The following STX12 variants were observed in gnomAD, a reference collection of about 807,000 sequenced individuals.
STX12 encodes syntaxin 12.
STX12 carries 17 observed loss-of-function variants against 42.2 expected under a neutral mutation model. That is an observed-to-expected ratio of 0.40 (90% CI 0.28 to 0.60). The LOEUF is 0.60. Among genes scored for constraint, STX12 ranks in the 20% least tolerant of loss-of-function variants. STX12 has a pLI of 0.39. For missense variants in STX12, 297 were observed against 330.9 expected, an observed-to-expected ratio of 0.90 and a Z score of 0.79; for synonymous variants, 108 against 116.7, an observed-to-expected ratio of 0.93 and a Z score of 0.48.
intron 1 of STX12, among the ~76,000 whole-genome samples, chr1:27,787,869 T>A (rs2088709954): frequency 6.6e-6 from 1 of 152,214 alleles, no homozygotes; most frequent in Non-Finnish European, 1.5e-5. Context: ...AAAATTCTAA[T>A]AAGTGAAGGT....
chr1:27,780,398 G>A (rs1014316801), intron 1 of STX12, among the ~76,000 whole-genome samples: 1 of 151,426 alleles, frequency 6.6e-6, no homozygotes, highest in Admixed American at 6.6e-5. Context: ...AGTAGAGACA[G>A]GGTTTCACCA....
intron 1 of STX12, among the ~76,000 whole-genome samples, chr1:27,778,316 CAA>C (rs916571400): frequency 2.4e-4 from 37 of 152,270 alleles, no homozygotes; most frequent in African/African-American, 8.9e-4. Context: ...TACTGTGGAA[CAA>C]AGTGTCTGGG....
intron 1 of STX12, among the ~76,000 whole-genome samples, chr1:27,782,398 A>G (rs1056017180): frequency 6.6e-6 from 1 of 152,164 alleles, no homozygotes; most frequent in African/African-American, 2.4e-5. Flanking sequence ...ATGCCTGGCC[A>G]TATAGGCGGT....
chr1:27,795,774 G>A (rs1448326591), intron 3 of STX12, among the ~76,000 whole-genome samples: 1 of 152,154 alleles, frequency 6.6e-6, no homozygotes, highest in Non-Finnish European at 1.5e-5. Context: ...TTACCCTTTG[G>A]TTGTCTATAT....
intron 3 of STX12, among the ~76,000 whole-genome samples, chr1:27,798,046 A>C (rs1280704891): frequency 6.6e-6 from 1 of 152,154 alleles, no homozygotes; most frequent in Admixed American, 6.6e-5. Context: ...AATAATGCCT[A>C]ATTTATAGGT....
At chr1:27,784,891 C>G (rs1393577466) in intron 1 of STX12, among the ~76,000 whole-genome samples, 1 of 152,046 alleles carries the variant, frequency 6.6e-6, no homozygotes, top group African/African-American at 2.4e-5. Context: ...CTATAATATT[C>G]CCAACACCCC....
chr1:27,810,127 A>C (rs2088893045), intron 4 of STX12, 119 bp from the exon 5 acceptor site: 3 of 858,890 alleles, frequency 3.5e-6, no homozygotes, highest in Non-Finnish European at 5.6e-6. Flanking sequence ...ATGTAATCTT[A>C]CAGATTCTGT....
intron 7 of STX12, among the ~76,000 whole-genome samples, chr1:27,818,816 C>T (rs180861493): frequency 3.6e-4 from 54 of 152,080 alleles, no homozygotes; most frequent in African/African-American, 1.3e-3. Context: ...TTAGTAGAGA[C>T]GGGGTTTCTC....
chr1:27,785,742 A>G (rs2088695002), intron 1 of STX12, among the ~76,000 whole-genome samples: 1 of 152,142 alleles, frequency 6.6e-6, no homozygotes, highest in Non-Finnish European at 1.5e-5. Flanking sequence ...TTCTGCCTCA[A>G]AGAGCTTGCC....
chr1:27,796,211 C>G (rs1301699392), intron 3 of STX12, among the ~76,000 whole-genome samples: 1 of 152,176 alleles, frequency 6.6e-6, no homozygotes, highest in Non-Finnish European at 1.5e-5. Flanking sequence ...TTGTTATGCT[C>G]TGTATCCTTT....
At chr1:27,812,515 C>G (rs547495747) in intron 6 of STX12, among the ~76,000 whole-genome samples, 1 of 151,302 alleles carries the variant, frequency 6.6e-6, no homozygotes, top group South Asian at 2.1e-4. Flanking sequence ...GATCTTGGCT[C>G]ACTGCAACCT....
intron 1 of STX12, among the ~76,000 whole-genome samples, chr1:27,783,346 T>A (rs550093710): frequency 6.6e-6 from 1 of 152,236 alleles, no homozygotes; most frequent in East Asian, 1.9e-4. Context: ...TTTGTTTTTG[T>A]TTTTTTGAGA....
intron 1 of STX12, 44 bp downstream of exon 1, chr1:27,773,469 ACAGG>A: frequency 6.3e-7 from 1 of 1,582,660 alleles, no homozygotes; most frequent in Non-Finnish European, 8.7e-7. Context: ...TGTCCCGGGG[ACAGG>A]CCTGGGTGAG....
At chr1:27,817,733 C>G in intron 6 of STX12, 118 bp from the exon 7 acceptor site, 1 of 782,060 alleles carries the variant, frequency 1.3e-6, no homozygotes, top group East Asian at 2.7e-5. Flanking sequence ...ATGGAGAAAG[C>G]ATGCTTTGTA....
intron 5 of STX12, chr1:27,811,851 A>G (rs2088905291): frequency 7.3e-6 from 3 of 412,706 alleles, no homozygotes; most frequent in Admixed American, 3.3e-5. Flanking sequence ...ATCTCTGGCT[A>G]CTTTCCTTGT....
chr1:27,802,213 G>A (rs1050508858), intron 4 of STX12, among the ~76,000 whole-genome samples: 1 of 152,144 alleles, frequency 6.6e-6, no homozygotes, highest in Admixed American at 6.5e-5. Context: ...CAAAGATTAT[G>A]AAAATATTAA....
intron 1 of STX12, among the ~76,000 whole-genome samples, chr1:27,783,526 G>A (rs1349110811): frequency 6.6e-6 from 1 of 152,028 alleles, no homozygotes; most frequent in East Asian, 1.9e-4. Flanking sequence ...TAGAGATGGG[G>A]TTTCTCCATG....
intron 7 of STX12, among the ~76,000 whole-genome samples, chr1:27,818,479 A>G (rs919560144): frequency 6.6e-6 from 1 of 152,152 alleles, no homozygotes; most frequent in Admixed American, 6.5e-5. Flanking sequence ...TATTTTTCGT[A>G]GCAATTTTTT....
At chr1:27,799,136 T>A (rs1167233263) in intron 3 of STX12, among the ~76,000 whole-genome samples, 3 of 152,348 alleles carry the variant, frequency 2.0e-5, no homozygotes, top group Non-Finnish European at 4.4e-5. Context: ...GTTGCTCATC[T>A]AAATTTGCTT....
Sources: gnomAD v4.1 joint callset for allele counts (sites outside exome capture counted in the v4.1 genomes callset) on GRCh38, gnomAD v4.1.1 for gene constraint, MANE v1.5 for transcripts, NCBI Gene and HGNC (gene_info 2026-07-23, HGNC 2026-07-21) for gene names.